Variants in SHISA6 observed in about 807,000 individuals in gnomAD.
SHISA6 encodes protein shisa-6.
Under a neutral mutation model 47.9 loss-of-function variants are expected in SHISA6, and 22 were observed. The observed-to-expected ratio is 0.46, with a 90% confidence interval of 0.33 to 0.66. SHISA6 has a LOEUF of 0.66. Among genes scored for constraint, SHISA6 ranks in the 30% least tolerant of loss-of-function variants. The probability of loss-of-function intolerance (pLI) is 0.02; values close to 1 mark genes in which losing one functional copy is unlikely to be tolerated. For missense variants in SHISA6, 680 were observed against 764.6 expected (o/e 0.89, Z 1.30); for synonymous variants, 388 against 337.8 (o/e 1.15, Z -1.63).
chr17:11,316,101 T>C (rs1910503620), intron 2 of SHISA6, among the ~76,000 whole-genome samples: 3 of 152,136 alleles, frequency 2.0e-5, no homozygotes, highest in African/African-American at 7.2e-5. Context: ...CCTGAGCTAA[T>C]TTTGTCTAGT....
chr17:11,281,769 A>T (rs1484221219), intron 2 of SHISA6, among the ~76,000 whole-genome samples: 1 of 152,184 alleles, frequency 6.6e-6, no homozygotes, highest in Non-Finnish European at 1.5e-5. Flanking sequence ...TTGTAGGAAG[A>T]TTTTAAACTA....
intron 3 of SHISA6, among the ~76,000 whole-genome samples, chr17:11,409,001 C>A (rs17598577): frequency 0.38 from 58,329 of 151,916 alleles, 11,465 homozygotes; most frequent in Middle Eastern, 0.46. Context: ...ATGGAACCAG[C>A]ACAGTGTCAT....
intron 2 of SHISA6, among the ~76,000 whole-genome samples, chr17:11,333,062 C>T (rs1293600372): frequency 6.6e-6 from 1 of 152,146 alleles, no homozygotes; most frequent in Non-Finnish European, 1.5e-5. Context: ...CATGCCACAT[C>T]TTTATCACTG....
chr17:11,504,259 G>A (rs559974731), intron 3 of SHISA6, among the ~76,000 whole-genome samples: 15 of 152,278 alleles, frequency 9.9e-5, no homozygotes, highest in African/African-American at 2.9e-4. Flanking sequence ...TCAAAGTGCA[G>A]AGCAGAAATC....
At chr17:11,431,628 C>A (rs957382996) in intron 3 of SHISA6, among the ~76,000 whole-genome samples, 2 of 152,082 alleles carry the variant, frequency 1.3e-5, no homozygotes, top group African/African-American at 2.4e-5. Context: ...TGAATTGGTA[C>A]CCATGTTTCA....
At chr17:11,467,797 A>G (rs1915848172) in intron 3 of SHISA6, among the ~76,000 whole-genome samples, 1 of 152,188 alleles carries the variant, frequency 6.6e-6, no homozygotes, top group Admixed American at 6.5e-5. Flanking sequence ...TAAGTGCCTG[A>G]AAGCAGGGTT....
intron 2 of SHISA6, among the ~76,000 whole-genome samples, chr17:11,326,828 A>G (rs1910912654): frequency 6.6e-6 from 1 of 152,206 alleles, no homozygotes; most frequent in Non-Finnish European, 1.5e-5. Context: ...TTCCTTTCCC[A>G]GTGTCCCAGA....
rs956829024 is a variant in SHISA6 at position 11,441,181 on chromosome 17, G to A, written c.895+61672G>A. 1.6e-4 allele frequency among the ~76,000 whole-genome samples: 25 copies of A among 152,326 alleles called. 1 individual carries two copies. The highest frequency in any genetic ancestry group is 4.8e-4 in the African/African-American group (20 of 41,576). ...GCTGTCAGGAAGCCAGGCTAAAGGC[G>A]TAGACTGGGGCAGTCCAAAGGCTGA... On this transcript the variant is annotated intron_variant, in intron 3 of 5. Transcript: ENST00000441885.
chr17:11,450,422 C>T (rs1054826860), intron 3 of SHISA6, among the ~76,000 whole-genome samples: 4 of 151,902 alleles, frequency 2.6e-5, no homozygotes, highest in South Asian at 2.1e-4. Flanking sequence ...TTTGGGAGGC[C>T]GAGGTGGGCG....
intron 3 of SHISA6, among the ~76,000 whole-genome samples, chr17:11,479,427 A>T (rs756924660): frequency 6.6e-6 from 1 of 152,014 alleles, no homozygotes; most frequent in Non-Finnish European, 1.5e-5. Flanking sequence ...ACATAGACAC[A>T]GGGAGGGGAA....
intron 1 of SHISA6, among the ~76,000 whole-genome samples, chr17:11,250,237 CG>C (rs1460237697): frequency 6.6e-6 from 1 of 152,146 alleles, no homozygotes; most frequent in African/African-American, 2.4e-5. Flanking sequence ...CAGTGAGGCT[CG>C]GGGTCAGAGC....
chr17:11,310,088 A>C (rs1265039178), intron 2 of SHISA6, among the ~76,000 whole-genome samples: 1 of 152,116 alleles, frequency 6.6e-6, no homozygotes, highest in Non-Finnish European at 1.5e-5. Flanking sequence ...CTGGCTAGCC[A>C]TGTGTGTTAG....
intron 3 of SHISA6, among the ~76,000 whole-genome samples, chr17:11,434,065 T>TC (rs920640143): frequency 1.4e-4 from 17 of 121,848 alleles, no homozygotes; most frequent in Non-Finnish European, 2.2e-4. Context: ...TTTTTCTCTC[T>TC]TTTTTTTTTT....
intron 3 of SHISA6, among the ~76,000 whole-genome samples, chr17:11,459,388 TG>T (rs1434321357): frequency 2.0e-5 from 3 of 152,182 alleles, no homozygotes; most frequent in Admixed American, 6.5e-5. Context: ...GAGTCTGCCC[TG>T]GATAATAAGG....
At chr17:11,542,836 G>C (rs2071845324) in intron 3 of SHISA6, among the ~76,000 whole-genome samples, 1 of 152,102 alleles carries the variant, frequency 6.6e-6, no homozygotes, top group South Asian at 2.1e-4. Context: ...GTCACTTAAG[G>C]GTGCTTCTAG....
chr17:11,398,733 C>T (rs1442207239), intron 3 of SHISA6, among the ~76,000 whole-genome samples: 1 of 152,086 alleles, frequency 6.6e-6, no homozygotes, highest in East Asian at 1.9e-4. Context: ...GCTGGGACTA[C>T]AGGTGTGTGC....
intron 3 of SHISA6, among the ~76,000 whole-genome samples, chr17:11,399,631 A>G (rs1246028787): frequency 6.6e-6 from 1 of 152,134 alleles, no homozygotes; most frequent in Admixed American, 6.5e-5. Flanking sequence ...TATGTTACCC[A>G]TGCTGGTCTC....
intron 1 of SHISA6, among the ~76,000 whole-genome samples, chr17:11,242,473 G>A (rs1190797586): frequency 6.6e-6 from 1 of 152,124 alleles, no homozygotes; most frequent in Admixed American, 6.5e-5. Context: ...ACCAATGTTG[G>A]AACCTTACTG....
intron 3 of SHISA6, among the ~76,000 whole-genome samples, chr17:11,393,869 T>A (rs1289344779): frequency 6.6e-6 from 1 of 152,172 alleles, no homozygotes; most frequent in African/African-American, 2.4e-5. Flanking sequence ...TGCTCTTCCC[T>A]TTTTAGGGCC....
Sources: allele counts gnomAD v4.1 joint callset (sites outside exome capture counted in the v4.1 genomes callset), GRCh38; gene constraint gnomAD v4.1.1; transcripts MANE v1.5; gene names NCBI Gene and HGNC (gene_info 2026-07-23, HGNC 2026-07-21).